The following SLC25A28 variants were observed in gnomAD, a reference collection of about 807,000 sequenced individuals.
The protein encoded by SLC25A28 is solute carrier family 25 member 28, also known as mitoferrin-2.
Under a neutral mutation model 31.9 loss-of-function variants are expected in SLC25A28, and 10 were observed. The ratio of observed to expected loss-of-function variants is 0.31; its 90% CI spans 0.19 to 0.53. The LOEUF is 0.53. Ranked by LOEUF, SLC25A28 falls within the 20% of genes least tolerant of loss-of-function variation. The pLI, the probability that SLC25A28 is intolerant of heterozygous loss-of-function variation, is 0.95. For synonymous variants in SLC25A28, 208 were observed against 203.6 expected (o/e 1.02, Z -0.19); for missense variants, 256 against 490.3 (o/e 0.52, Z 4.51).
upstream of SLC25A28, chr10:99,622,835 C>CT (rs1185004422): frequency 2.7e-5 from 9 of 329,682 alleles, no homozygotes; most frequent in Non-Finnish European, 3.9e-5. Flanking sequence ...ATACTTTTAA[C>CT]TGAAATTTCC....
At chr10:99,623,973 A>G (rs1472999147), upstream of SLC25A28, among the ~76,000 whole-genome samples, 1 of 152,234 alleles carries the variant, frequency 6.6e-6, no homozygotes, top group Non-Finnish European at 1.5e-5. Context: ...TACCTGAAGA[A>G]TTTGTTAAAA....
chr10:99,647,896 T>C, the SLC25A28 span, among the ~76,000 whole-genome samples: 7 of 152,214 alleles, frequency 4.6e-5, no homozygotes, highest in Non-Finnish European at 8.8e-5. Context: ...CCTAGCACCA[T>C]TTGTTGAATA....
At chr10:99,659,050 T>C in the SLC25A28 span, among the ~76,000 whole-genome samples, 19 of 152,138 alleles carry the variant, frequency 1.2e-4, no homozygotes, top group Admixed American at 1.2e-3. The surrounding 1 kb of genome is among the most constrained non-coding windows in gnomAD (Gnocchi z 4.1). Context: ...GTGAGAGAAC[T>C]GCCATTCTGG....
At position 99,613,465 on chromosome 10, in the gene SLC25A28, G is replaced by T. The variant is rs2034577355; in HGVS notation, c.520+231C>A. On this transcript the variant is annotated intron_variant, in intron 2 of 3. Coordinates refer to ENST00000370495, the MANE Select transcript of SLC25A28 (RefSeq NM_031212.4). The surrounding 1 kb of genome is among the most constrained non-coding windows in gnomAD (Gnocchi z 4.9). ...GGAGATGAGAGGAACAAGTCAAGCT[G>T]GTAGGTAAGGGAGGATACTGTAACC... 1.4e-6 allele frequency: 2 copies of T among 1,402,124 alleles called. No homozygotes were observed. Among genetic ancestry groups the T allele is most frequent in the Non-Finnish European group, 1.9e-6 (2 of 1,079,678 alleles). 86.9% of individuals were successfully genotyped at this position (1,402,124 alleles called of 1,614,324 possible).
At chr10:99,612,765 A>T (rs180898187) in intron 2 of SLC25A28, 166 bp from the exon 3 acceptor site, 1 of 717,890 alleles carries the variant, frequency 1.4e-6, no homozygotes, top group African/African-American at 1.8e-5. Flanking sequence ...CCTGTTTAAG[A>T]AGGTAAAGTA....
At chr10:99,640,117 C>T in the SLC25A28 span, among the ~76,000 whole-genome samples, 10 of 152,220 alleles carry the variant, frequency 6.6e-5, no homozygotes, top group Non-Finnish European at 1.3e-4. Context: ...CCAATGTAGA[C>T]ATTATTATTT....
rs1035389716 is a variant in SLC25A28 at position 99,611,645 on chromosome 10, G to A, written c.578-279C>T. 6.6e-6 allele frequency among the ~76,000 whole-genome samples: 1 copy of A among 152,106 alleles called. No individual in the cohort carries two copies. The highest frequency in any genetic ancestry group is 1.5e-5 in the Non-Finnish European group (1 of 68,014). Reference sequence around the variant, plus strand: ...CACAGGACATATCTACAGTTTGGGAGCTTCAGAGAGTCTTCTTGAACTAAG... The same window carrying A: ...CACAGGACATATCTACAGTTTGGGAACTTCAGAGAGTCTTCTTGAACTAAG... On this transcript the variant is annotated intron_variant, in intron 3 of 3. Coordinates refer to ENST00000370495, the MANE Select transcript of SLC25A28 (RefSeq NM_031212.4). The surrounding 1 kb of genome is among the most constrained non-coding windows in gnomAD (Gnocchi z 5.5).
rs1236217906 is a variant in SLC25A28 at position 99,613,076 on chromosome 10, ACTACT to A, written c.521-482_521-478del. Among the ~76,000 whole-genome samples the A allele has an allele frequency of 2.6e-5, 4 of 152,078 alleles. No homozygotes were observed. Among genetic ancestry groups the A allele is most frequent in the Non-Finnish European group, 5.9e-5 (4 of 67,988 alleles). On this transcript the variant is annotated intron_variant, in intron 2 of 3. Coordinates refer to ENST00000370495, the MANE Select transcript of SLC25A28 (RefSeq NM_031212.4). This position sits in a 1 kb window ranked among gnomAD's most constrained non-coding sequence, Gnocchi z 4.9. ...CAAAGATCTTTCGTTCAGGTCCTGA[ACTACT>A]CTACCCCTCATCCTCTCCACACTCA...
chr10:99,620,844 C>G, upstream of SLC25A28: 1 of 985,476 alleles, frequency 1.0e-6, no homozygotes, highest in Non-Finnish European at 1.2e-6. Flanking sequence ...TCGGGCCCCT[C>G]ACTAGCGCCT....
the SLC25A28 span, among the ~76,000 whole-genome samples, chr10:99,648,296 C>T: frequency 6.6e-6 from 1 of 152,132 alleles, no homozygotes; most frequent in South Asian, 2.1e-4. Context: ...CATGCCCAGC[C>T]TATTCCATTG....
chr10:99,649,883 A>G, the SLC25A28 span, among the ~76,000 whole-genome samples: 1 of 151,608 alleles, frequency 6.6e-6, no homozygotes, highest in African/African-American at 2.4e-5. Flanking sequence ...TTTTGCTTAC[A>G]TTTTCAAAGA....
the SLC25A28 span, among the ~76,000 whole-genome samples, chr10:99,632,171 C>T: frequency 6.6e-6 from 1 of 152,030 alleles, no homozygotes; most frequent in Non-Finnish European, 1.5e-5. Context: ...GCTGGGATTA[C>T]AGGCGTGAGC....
intron 1 of SLC25A28, chr10:99,615,730 T>C: frequency 1.0e-6 from 1 of 985,208 alleles, no homozygotes; most frequent in Non-Finnish European, 1.2e-6. Context: ...AGACTACGGG[T>C]CATATGCTGG....
the SLC25A28 span, among the ~76,000 whole-genome samples, chr10:99,650,685 T>C: frequency 6.6e-6 from 1 of 152,028 alleles, no homozygotes; most frequent in African/African-American, 2.4e-5. Context: ...TTGTCTTAGA[T>C]ACGTATAGGA....
chr10:99,623,920 A>G (rs906852061), upstream of SLC25A28, among the ~76,000 whole-genome samples: 3 of 152,242 alleles, frequency 2.0e-5, no homozygotes, highest in African/African-American at 7.2e-5. Context: ...ATTCCACACC[A>G]TAGCATAAAC....
intron 1 of SLC25A28, among the ~76,000 whole-genome samples, chr10:99,615,218 A>T (rs1472906936): frequency 1.3e-5 from 2 of 152,096 alleles, no homozygotes; most frequent in Non-Finnish European, 2.9e-5. Flanking sequence ...TTAGCCGGGC[A>T]TGGTGGTGTG....
chr10:99,611,994 G>T lies in SLC25A28; in HGVS notation c.577+549C>A, dbSNP rs1398349058. 1.3e-5 allele frequency among the ~76,000 whole-genome samples: 2 copies of T among 152,184 alleles called. No individual in the cohort carries two copies. Among genetic ancestry groups the T allele is most frequent in the African/African-American group, 4.8e-5 (2 of 41,442 alleles). ...CTTGCCCAGACAGAAAATGAACGTGGCAACAATGCTATCCCTTCATATTTG... is the reference window on the plus strand; with the variant it reads ...CTTGCCCAGACAGAAAATGAACGTGTCAACAATGCTATCCCTTCATATTTG... On this transcript the variant is annotated intron_variant, in intron 3 of 3. Transcript: ENST00000370495. This position sits in a 1 kb window ranked among gnomAD's most constrained non-coding sequence, Gnocchi z 5.5.
the SLC25A28 span, among the ~76,000 whole-genome samples, chr10:99,643,493 T>G: frequency 6.6e-6 from 1 of 152,308 alleles, no homozygotes; most frequent in African/African-American, 2.4e-5. Flanking sequence ...GTCTATCAAT[T>G]TTGTTGATCT....
the SLC25A28 span, among the ~76,000 whole-genome samples, chr10:99,648,628 A>G: frequency 6.7e-6 from 1 of 149,190 alleles, no homozygotes; most frequent in Non-Finnish European, 1.5e-5. Flanking sequence ...TCTTTCATCA[A>G]TGTTTTGTAG....
Sources: gnomAD v4.1 joint callset for allele counts (sites outside exome capture counted in the v4.1 genomes callset) on GRCh38, gnomAD v4.1.1 for gene constraint, Gnocchi (gnomAD v3.1) non-coding constraint, MANE v1.5 for transcripts, NCBI Gene and HGNC (gene_info 2026-07-23, HGNC 2026-07-21) for gene names.